GLS: variants seen among roughly 807,000 people sequenced by gnomAD.
The protein encoded by GLS is glutaminase kidney isoform, mitochondrial.
A neutral mutation model predicts 86.7 loss-of-function variants in GLS; 36 were observed. The ratio of observed to expected loss-of-function variants is 0.42; its 90% CI spans 0.32 to 0.55. The LOEUF is 0.55. Among genes scored for constraint, GLS ranks in the 20% least tolerant of loss-of-function variants. The probability of loss-of-function intolerance (pLI) is 0.17; values close to 1 mark genes in which losing one functional copy is unlikely to be tolerated. For synonymous variants in GLS, 317 were observed against 305.9 expected (o/e 1.04, Z -0.38); for missense variants, 528 against 833.4 (o/e 0.63, Z 4.51).
chr2:190,929,207 T>G (rs1291121196), intron 12 of GLS, among the ~76,000 whole-genome samples: 1 of 151,646 alleles, frequency 6.6e-6, no homozygotes, highest in Non-Finnish European at 1.5e-5. Flanking sequence ...GTAACTTAAA[T>G]TTTTTGAGGA....
At chr2:190,957,548 T>C (rs1213387431) in intron 17 of GLS, among the ~76,000 whole-genome samples, 1 of 152,270 alleles carries the variant, frequency 6.6e-6, no homozygotes, top group Non-Finnish European at 1.5e-5. Context: ...TGTGGGTTTG[T>C]CATAAATAGC....
At chr2:190,881,662 C>T (rs910409417) in intron 1 of GLS, 192 bp downstream of exon 1, 1 of 545,358 alleles carries the variant, frequency 1.8e-6, no homozygotes, top group Non-Finnish European at 3.1e-6. Context: ...CGCCCGCAAC[C>T]CTCCGCCAGG....
chr2:190,883,537 C>T (rs1162456074), intron 1 of GLS, among the ~76,000 whole-genome samples: 4 of 152,108 alleles, frequency 2.6e-5, no homozygotes, highest in South Asian at 2.1e-4. Context: ...CAATATTTGG[C>T]GTGTGTTAAA....
rs1688684026 is a variant in GLS at position 190,895,093 on chromosome 2, TA to T, written c.387-54del. On this transcript the variant is annotated intron_variant, in intron 1 of 17. Transcript: ENST00000320717. This position sits in a 1 kb window ranked among gnomAD's most constrained non-coding sequence, Gnocchi z 4.2. Reference sequence around the variant, plus strand: ...GTGGTTATTTAACAATGGATTTAGTTAAAAATCCAGTAGAATGTTCATACAA... The same window carrying T: ...GTGGTTATTTAACAATGGATTTAGTTAAAATCCAGTAGAATGTTCATACAA... The T allele has an allele frequency of 2.6e-6, 2 of 759,334 alleles. No homozygotes were observed. Among genetic ancestry groups the T allele is most frequent in the African/African-American group, 1.7e-5 (1 of 57,922 alleles). 47.0% of individuals were successfully genotyped at this position (759,334 alleles called of 1,614,324 possible). A position where few individuals can be genotyped will look rare whatever the true frequency, so the allele number is the denominator to read the frequency against.
Position 190,935,365 on chromosome 2 carries a change from G to A in GLS, c.1650+3728G>A, listed in dbSNP as rs536869380. On this transcript the variant is annotated intron_variant, in intron 14 of 17. Transcript: ENST00000320717. This position sits in a 1 kb window ranked among gnomAD's most constrained non-coding sequence, Gnocchi z 4.2. The stretch of plus-strand genomic sequence containing the variant: ...CAACATTTTAAGTACAAATACAGTT[G>A]GGATTTTAACTTAGAAAAAATTATT... The A allele has an allele frequency of 5.7e-6, 1 of 176,938 alleles. No individual in the cohort carries two copies. The highest frequency in any genetic ancestry group is 2.4e-5 in the African/African-American group (1 of 41,886). 11.0% of individuals were successfully genotyped at this position (176,938 alleles called of 1,614,324 possible).
At chr2:190,941,088 T>C (rs1315673191) in intron 14 of GLS, among the ~76,000 whole-genome samples, 2 of 152,186 alleles carry the variant, frequency 1.3e-5, no homozygotes, top group Middle Eastern at 3.2e-3. Flanking sequence ...CTTATTCAAC[T>C]AATGTTTATT....
At chr2:190,923,641 A>G (rs975921270) in intron 9 of GLS, among the ~76,000 whole-genome samples, 2 of 152,184 alleles carry the variant, frequency 1.3e-5, no homozygotes, top group African/African-American at 4.8e-5. Context: ...AGAATTTTAA[A>G]ATTAGCATTT....
Position 190,900,656 on chromosome 2 carries a change from A to G in GLS, c.698A>G (p.Glu233Gly), listed in dbSNP as rs1558971350. 1 of 1,605,380 alleles carries G rather than the reference A, an allele frequency of 6.2e-7. No individual in the cohort carries two copies. The highest frequency in any genetic ancestry group is 8.5e-7 in the Non-Finnish European group (1 of 1,172,724). The part of the protein sequence containing the change: ...DFMSFTSHID[E>G]LYESAKKQSG... ...ATGTCTTTTACCTCACACATTGATG[A>G]GTTATATGAAAGTGCTAAAAAGCAG... is the stretch of plus-strand genomic sequence containing the variant. Residue 233 changes from glutamate to glycine, a missense_variant, in exon 4 of 18, where the codon GAG (glutamate) becomes GGG (glycine). Physicochemically the swap from Glu to Gly is moderately conservative, Grantham distance 98 (BLOSUM62 -2). Coordinates refer to ENST00000320717, the MANE Select transcript of GLS (RefSeq NM_014905.5).
chr2:190,933,163 C>A (rs1047150911), intron 14 of GLS: 86 of 846,736 alleles, frequency 1.0e-4, no homozygotes, highest in Admixed American at 1.2e-4. Flanking sequence ...GTCAGATAAT[C>A]CCATTTTACA....
chr2:190,908,861 G>A (rs1010358051), intron 6 of GLS, among the ~76,000 whole-genome samples: 1 of 152,230 alleles, frequency 6.6e-6, no homozygotes, highest in African/African-American at 2.4e-5. Flanking sequence ...AAGACATCTT[G>A]AGTGTAGTAT....
intron 1 of GLS, among the ~76,000 whole-genome samples, chr2:190,882,508 T>A (rs1000869680): frequency 6.6e-6 from 1 of 152,254 alleles, no homozygotes; most frequent in Non-Finnish European, 1.5e-5. Context: ...GCTGACACTC[T>A]AACCTGTTTT....
At chr2:190,927,004 A>G (rs539085269) in intron 11 of GLS, 67 of 216,476 alleles carry the variant, frequency 3.1e-4, no homozygotes, top group African/African-American at 1.4e-3. Context: ...AAGTATTAAT[A>G]TTTAAGCAAA....
At position 190,956,879 on chromosome 2, in the gene GLS, G is replaced by A. The variant is rs1325486305; in HGVS notation, c.1853+2061G>A. 1.3e-5 allele frequency among the ~76,000 whole-genome samples: 2 copies of A among 152,140 alleles called. No individual in the cohort carries two copies. Among genetic ancestry groups the A allele is most frequent in the African/African-American group, 4.8e-5 (2 of 41,424 alleles). Reference sequence around the variant, plus strand: ...CTCTTTGTAGCAGTTGTGAATGGGAGTTCACTCATGATTTGGCTCTCTCTT... The same window carrying A: ...CTCTTTGTAGCAGTTGTGAATGGGAATTCACTCATGATTTGGCTCTCTCTT... On this transcript the variant is annotated intron_variant, in intron 17 of 17. Coordinates refer to ENST00000320717, the MANE Select transcript of GLS (RefSeq NM_014905.5). This position sits in a 1 kb window ranked among gnomAD's most constrained non-coding sequence, Gnocchi z 4.2.
At chr2:190,937,837 T>TG (rs201718850) in intron 14 of GLS, among the ~76,000 whole-genome samples, 3 of 133,416 alleles carry the variant, frequency 2.2e-5, no homozygotes, top group Non-Finnish European at 3.2e-5. Flanking sequence ...GCGGAATCTG[T>TG]GGGTTTTTTT....
In GLS at chr2:190,881,256, T is replaced by G; in HGVS notation, c.172T>G (p.Trp58Gly). ...TGCCGCCGCGCGACTCCACCCGTGG[T>G]GGGGCGGGGGCGGCTGGCCGGCGGA... ...PAAAARLHPW[W>G]GGGGWPAEPL... The change falls in exon 1 of 18, where the codon TGG (tryptophan) becomes GGG (glycine). Residue 58 changes from tryptophan (W) to glycine (G), a missense_variant. By Grantham distance (184) the Trp-to-Gly change is radical. Coordinates refer to ENST00000320717, the MANE Select transcript of GLS (RefSeq NM_014905.5). The G allele has an allele frequency of 7.8e-7, 1 of 1,275,416 alleles. No individual in the cohort carries two copies. 79.0% of individuals were successfully genotyped at this position (1,275,416 alleles called of 1,614,324 possible). A position where few individuals can be genotyped will look rare whatever the true frequency, so the allele number is the denominator to read the frequency against.
At chr2:190,925,164 T>C (rs1689859701) in intron 11 of GLS, among the ~76,000 whole-genome samples, 1 of 152,218 alleles carries the variant, frequency 6.6e-6, no homozygotes, top group African/African-American at 2.4e-5. Context: ...AATTATAAAC[T>C]GGGCTCTAAA....
At chr2:190,907,169 C>T (rs1279938579) in intron 6 of GLS, among the ~76,000 whole-genome samples, 1 of 151,934 alleles carries the variant, frequency 6.6e-6, no homozygotes, top group African/African-American at 2.4e-5. Flanking sequence ...CGTGATCTGC[C>T]CGCCTCGGCC....
Position 190,954,902 on chromosome 2 carries a change from T to G in GLS, c.1853+84T>G, listed in dbSNP as rs2124950246. On this transcript the variant is annotated intron_variant, in intron 17 of 17. Coordinates refer to ENST00000320717, the MANE Select transcript of GLS (RefSeq NM_014905.5). The surrounding 1 kb of genome is among the most constrained non-coding windows in gnomAD (Gnocchi z 4.0). ...TTCAAGTGATGATAATATTTCAACC[T>G]ACTAAGACATTCTTGAACCTGCTAT... is the stretch of plus-strand genomic sequence containing the variant. The G allele has an allele frequency of 1.1e-6, 1 of 919,020 alleles. No individual in the cohort carries two copies. Among genetic ancestry groups the G allele is most frequent in the East Asian group, 2.4e-5 (1 of 41,164 alleles). The allele number at this position is 919,020 out of a possible 1,614,324, so 56.9% of individuals were successfully genotyped here.
chr2:190,911,884 C>T (rs1438237869), intron 7 of GLS, among the ~76,000 whole-genome samples: 1 of 152,052 alleles, frequency 6.6e-6, no homozygotes, highest in African/African-American at 2.4e-5. Context: ...GAGAGATTAA[C>T]ATACACTACG....
Sources: gnomAD v4.1 joint callset for allele counts (sites outside exome capture counted in the v4.1 genomes callset) on GRCh38, gnomAD v4.1.1 for gene constraint, Gnocchi (gnomAD v3.1) non-coding constraint, MANE v1.5 for transcripts, NCBI Gene and HGNC (gene_info 2026-07-23, HGNC 2026-07-21) for gene names.